Variants in STX8 observed in about 807,000 individuals in gnomAD.
STX8 encodes syntaxin-8.
Under a neutral mutation model 37.5 loss-of-function variants are expected in STX8, and 23 were observed. The observed-to-expected ratio is 0.61, with a 90% CI of 0.44 to 0.87. The LOEUF (loss-of-function observed/expected upper bound fraction) is 0.87. STX8 is among the 40% of genes least tolerant of loss of function. The pLI is 0.00. For synonymous variants in STX8, 115 were observed against 99.1 expected, an observed-to-expected ratio of 1.16 and a Z score of -0.95; for missense variants, 313 against 284.7, an observed-to-expected ratio of 1.10 and a Z score of -0.71.
At chr17:9,304,696 C>T (rs1481740917) in intron 7 of STX8, among the ~76,000 whole-genome samples, 1 of 151,874 alleles carries the variant, frequency 6.6e-6, no homozygotes, top group Admixed American at 6.6e-5. Flanking sequence ...CTGGCAAAAT[C>T]CCACAAGCTG....
intron 6 of STX8, among the ~76,000 whole-genome samples, chr17:9,428,741 G>A (rs1458767536): frequency 1.3e-5 from 2 of 152,070 alleles, no homozygotes; most frequent in Non-Finnish European, 2.9e-5. Context: ...AGAAATTATT[G>A]GCAAGATATT....
At chr17:9,401,550 CAGG>C (rs1229146929) in intron 6 of STX8, among the ~76,000 whole-genome samples, 1 of 152,182 alleles carries the variant, frequency 6.6e-6, no homozygotes, top group African/African-American at 2.4e-5. Flanking sequence ...AGTGCTAGGG[CAGG>C]AGAAGACGGG....
intron 7 of STX8, among the ~76,000 whole-genome samples, chr17:9,375,084 A>AAG (rs1555602573): frequency 2.2e-3 from 329 of 149,266 alleles, no homozygotes; most frequent in African/African-American, 7.8e-3. Flanking sequence ...AAAAAAAAAA[A>AAG]AAGAAGAATT....
intron 7 of STX8, among the ~76,000 whole-genome samples, chr17:9,254,557 G>C (rs147288081): frequency 6.6e-6 from 1 of 151,978 alleles, no homozygotes; most frequent in East Asian, 1.9e-4. Flanking sequence ...CACTATGCCC[G>C]GCTAATTTTT....
chr17:9,262,049 G>A (rs1907057285), intron 7 of STX8, among the ~76,000 whole-genome samples: 1 of 152,190 alleles, frequency 6.6e-6, no homozygotes, highest in Non-Finnish European at 1.5e-5. Flanking sequence ...ACCTGGCAGG[G>A]CGACACCAGG....
At chr17:9,430,812 G>T (rs1034241355) in intron 6 of STX8, among the ~76,000 whole-genome samples, 1 of 151,956 alleles carries the variant, frequency 6.6e-6, no homozygotes, top group Non-Finnish European at 1.5e-5. Context: ...ACCATGCCTG[G>T]CTAATTTTTT....
chr17:9,455,164 T>G (rs888593009), intron 6 of STX8, among the ~76,000 whole-genome samples: 1 of 152,088 alleles, frequency 6.6e-6, no homozygotes, highest in African/African-American at 2.4e-5. Flanking sequence ...ATGACACCAT[T>G]GCACTCCAGC....
At chr17:9,275,371 C>T (rs1907636013) in intron 7 of STX8, among the ~76,000 whole-genome samples, 1 of 152,218 alleles carries the variant, frequency 6.6e-6, no homozygotes, top group Non-Finnish European at 1.5e-5. Flanking sequence ...CGCAGGGAGA[C>T]ATCGCTGCTC....
chr17:9,445,474 G>A (rs758225092), intron 6 of STX8, among the ~76,000 whole-genome samples: 101 of 142,806 alleles, frequency 7.1e-4, no homozygotes, highest in Non-Finnish European at 9.8e-4. Context: ...TTTAGAATGC[G>A]AAGAGTGGTG....
intron 6 of STX8, among the ~76,000 whole-genome samples, chr17:9,443,027 A>C (rs951069601): frequency 5.3e-5 from 8 of 152,230 alleles, no homozygotes; most frequent in Non-Finnish European, 5.9e-5. Flanking sequence ...GAACTAAGAT[A>C]ATCTCATAGA....
chr17:9,535,472 A>G (rs1033305848), intron 4 of STX8, among the ~76,000 whole-genome samples: 15 of 87,280 alleles, frequency 1.7e-4, no homozygotes, highest in Middle Eastern at 0.012. Flanking sequence ...TTGCTCTGTC[A>G]CCCAGGCTGG....
intron 7 of STX8, among the ~76,000 whole-genome samples, chr17:9,307,330 C>T (rs948348362): frequency 4.6e-5 from 7 of 152,150 alleles, no homozygotes; most frequent in African/African-American, 1.7e-4. Flanking sequence ...AGTTTCTCCA[C>T]CTTTTCTATG....
chr17:9,336,521 C>T (rs901439567), intron 7 of STX8, among the ~76,000 whole-genome samples: 31 of 151,978 alleles, frequency 2.0e-4, no homozygotes, highest in Admixed American at 1.1e-3. Context: ...CTGCAACCTC[C>T]GCTTCCCAGG....
At chr17:9,566,842 A>G (rs1223024090) in intron 2 of STX8, among the ~76,000 whole-genome samples, 2 of 152,220 alleles carry the variant, frequency 1.3e-5, no homozygotes, top group Admixed American at 6.5e-5. Flanking sequence ...CTGCAGCACT[A>G]TTCACAATAA....
intron 7 of STX8, among the ~76,000 whole-genome samples, chr17:9,350,559 C>T (rs191288449): frequency 4.8e-4 from 73 of 151,704 alleles, no homozygotes; most frequent in Middle Eastern, 3.4e-3. Context: ...TTTTTTGAGA[C>T]GGAGTCTCTG....
chr17:9,409,356 C>T (rs1301947095), intron 6 of STX8, among the ~76,000 whole-genome samples: 1 of 152,086 alleles, frequency 6.6e-6, no homozygotes, highest in African/African-American at 2.4e-5. Context: ...AATCTGGCAA[C>T]TATGTATCTT....
intron 6 of STX8, among the ~76,000 whole-genome samples, chr17:9,390,859 G>A (rs944472831): frequency 2.0e-5 from 3 of 148,008 alleles, no homozygotes; most frequent in African/African-American, 7.5e-5. Context: ...AAAAAAAGAA[G>A]GGGGAGATAT....
intron 6 of STX8, among the ~76,000 whole-genome samples, chr17:9,477,653 C>A (rs1427167441): frequency 6.6e-6 from 1 of 152,076 alleles, no homozygotes; most frequent in Admixed American, 6.6e-5. Context: ...AAAATACTGA[C>A]TACAGAAATA....
At chr17:9,405,016 T>C (rs1318594846) in intron 6 of STX8, among the ~76,000 whole-genome samples, 2 of 152,124 alleles carry the variant, frequency 1.3e-5, no homozygotes, top group African/African-American at 2.4e-5. Flanking sequence ...GTCTCTCTCA[T>C]GATTTTTTTG....
Sources: gnomAD v4.1 joint callset for allele counts (sites outside exome capture counted in the v4.1 genomes callset) on GRCh38, gnomAD v4.1.1 for gene constraint, MANE v1.5 for transcripts, NCBI Gene and HGNC (gene_info 2026-07-23, HGNC 2026-07-21) for gene names.